Variants in MAP4K5 observed in about 807,000 individuals in gnomAD.
MAP4K5 encodes mitogen-activated protein kinase kinase kinase kinase 5.
MAP4K5 carries 82 observed loss-of-function variants against 135.6 expected under a neutral mutation model. That is an observed-to-expected ratio of 0.60 (90% confidence interval 0.51 to 0.73). MAP4K5 has a LOEUF of 0.73. Ranked by LOEUF, MAP4K5 falls within the 30% of genes least tolerant of loss-of-function variation. MAP4K5 has a pLI of 0.00. For synonymous variants in MAP4K5, 347 were observed against 335.0 expected (o/e 1.04, Z -0.39); for missense variants, 907 against 1,010.9 (o/e 0.90, Z 1.39).
In MAP4K5 at chr14:50,532,016, G is replaced by T; in HGVS notation, c.34C>A (p.Leu12Met). ...TAGTCCTGCTGCGGGTTCCGCCTCA[G>T]GATGTCCGCGGCAGGCCGCAGCGGG... The part of the protein sequence containing the change: ...EAPLRPAADI[L>M]RRNPQQDYEL... Residue 12 changes from leucine (L) to methionine (M), a missense_variant, in exon 2 of 33, where the codon CTG becomes ATG. By Grantham distance (15) the Leu-to-Met change is conservative. Transcript: ENST00000682126. 1 of 1,590,442 alleles carries T rather than the reference G, an allele frequency of 6.3e-7. No homozygotes were observed. Among genetic ancestry groups the T allele is most frequent in the East Asian group, 2.3e-5 (1 of 43,238 alleles).
At chr14:50,492,451 A>G (rs1243400753) in intron 3 of MAP4K5, among the ~76,000 whole-genome samples, 1 of 151,982 alleles carries the variant, frequency 6.6e-6, no homozygotes, top group African/African-American at 2.4e-5. Flanking sequence ...AAAATTAGCC[A>G]GATGTGCTGG....
chr14:50,511,610 C>T (rs904414360), intron 2 of MAP4K5, among the ~76,000 whole-genome samples: 2 of 152,096 alleles, frequency 1.3e-5, no homozygotes, highest in African/African-American at 2.4e-5. Flanking sequence ...TATAGATTTG[C>T]TAATTTTCCT....
intron 3 of MAP4K5, among the ~76,000 whole-genome samples, chr14:50,497,485 T>C (rs1354785379): frequency 6.6e-6 from 1 of 152,202 alleles, no homozygotes; most frequent in Non-Finnish European, 1.5e-5. Flanking sequence ...GAAAAGAACA[T>C]ACCACGTAAC....
intron 2 of MAP4K5, among the ~76,000 whole-genome samples, chr14:50,542,239 C>T (rs1007286202): frequency 2.2e-4 from 26 of 118,186 alleles, no homozygotes; most frequent in Admixed American, 1.6e-3. Context: ...AATGAGAACA[C>T]GTGGACACAG....
At chr14:50,460,312 C>A (rs756892442) in intron 13 of MAP4K5, among the ~76,000 whole-genome samples, 4 of 151,376 alleles carry the variant, frequency 2.6e-5, no homozygotes, top group Non-Finnish European at 5.9e-5. Context: ...GTCTCATATA[C>A]CATTGTGCCC....
intron 9 of MAP4K5, among the ~76,000 whole-genome samples, chr14:50,474,232 T>G (rs1471313911): frequency 6.6e-6 from 1 of 151,782 alleles, no homozygotes; most frequent in Non-Finnish European, 1.5e-5. Context: ...CAAAAAAAAT[T>G]ACAAAAAATT....
chr14:50,537,745 T>A (rs944930441), intron 2 of MAP4K5, among the ~76,000 whole-genome samples: 74 of 152,376 alleles, frequency 4.9e-4, no homozygotes, highest in African/African-American at 1.6e-3. Flanking sequence ...CCACTTGATT[T>A]CAGACTTGCA....
At chr14:50,521,369 T>G (rs906248624) in intron 2 of MAP4K5, among the ~76,000 whole-genome samples, 14 of 152,178 alleles carry the variant, frequency 9.2e-5, no homozygotes, top group African/African-American at 3.1e-4. Flanking sequence ...AAGGACTATG[T>G]GTAGAGTAGT....
At chr14:50,540,021 G>A (rs982639406) in intron 2 of MAP4K5, among the ~76,000 whole-genome samples, 1 of 152,038 alleles carries the variant, frequency 6.6e-6, no homozygotes, top group Non-Finnish European at 1.5e-5. Context: ...ATTGAATGAG[G>A]GAGAACAGAT....
intron 4 of MAP4K5, 145 bp downstream of exon 4, chr14:50,485,959 G>A (rs187945149): frequency 1.8e-4 from 103 of 560,720 alleles, no homozygotes; most frequent in African/African-American, 1.3e-3. Context: ...GGGGAAAACC[G>A]TAGAAATAGG....
chr14:50,490,130 A>AGTGTGTGTGTGTGTGTGT (rs34549753), intron 3 of MAP4K5, among the ~76,000 whole-genome samples: 9 of 121,198 alleles, frequency 7.4e-5, no homozygotes, highest in African/African-American at 2.3e-4. Flanking sequence ...AGCGAGTGAG[A>AGTGTGTGTGTGTGTGTGT]GTGTGTGTGT....
At chr14:50,555,280 T>A (rs1175286228) in intron 1 of MAP4K5, among the ~76,000 whole-genome samples, 1 of 140,822 alleles carries the variant, frequency 7.1e-6, no homozygotes, top group Non-Finnish European at 1.6e-5. Context: ...TTGTTTTGTT[T>A]TGTTTGTTTG....
rs1384466309 is a variant in MAP4K5, at chr14:50,440,017, T to C, written c.1701A>G (p.Leu567=). 1 of 1,548,348 alleles carries C rather than the reference T, an allele frequency of 6.5e-7. No homozygotes were observed. Among genetic ancestry groups the C allele is most frequent in the Non-Finnish European group, 8.8e-7 (1 of 1,136,374 alleles). ...LYVINNTLMS[L]SEGKTFQLYS... The stretch of plus-strand genomic sequence containing the variant: ...TTTTCATCATCACATACATACCTGA[T>C]AATGACATTAAAGTATTATTGATAA... The change falls in exon 23 of 33, where the codon TTA becomes TTG. Residue 567 remains leucine (L), a synonymous_variant. Transcript: ENST00000682126.
intron 6 of MAP4K5, among the ~76,000 whole-genome samples, chr14:50,479,618 A>G (rs1566668515): frequency 1.3e-5 from 2 of 152,182 alleles, no homozygotes; most frequent in South Asian, 4.1e-4. Flanking sequence ...TTAAACAGTT[A>G]TAACTGTTTT....
intron 9 of MAP4K5, among the ~76,000 whole-genome samples, chr14:50,473,716 CTTTTTTTTT>C (rs398077753): frequency 3.7e-4 from 35 of 95,456 alleles, no homozygotes; most frequent in Admixed American, 9.2e-4. Flanking sequence ...TTTGGTTTCA[CTTTTTTTTT>C]TTTTTTTTTT....
intron 6 of MAP4K5, among the ~76,000 whole-genome samples, chr14:50,478,985 G>A (rs1216210747): frequency 7.5e-6 from 1 of 133,432 alleles, no homozygotes; most frequent in Non-Finnish European, 1.6e-5. Context: ...TGATTCATGT[G>A]TCTTAGTGTA....
chr14:50,434,473 G>T lies in MAP4K5; in HGVS notation c.2085C>A (p.Gly695=), dbSNP rs376161128. ...ACTGAACTACCTGATTCGATTCAGT[G>T]CCTTTGCTAATAGCTACACAGACCA... ...YPMVCVAISK[G]TESNQVVQFE... The change falls in exon 28 of 33, where the codon GGC becomes GGA. Residue 695 remains glycine, a synonymous_variant. Transcript: ENST00000682126. 1.2e-5 allele frequency: 20 copies of T among 1,608,814 alleles called. No homozygotes were observed. The African/African-American group carries it at 2.7e-4, about 21-fold the overall frequency.
At position 50,442,172 on chromosome 14, in the gene MAP4K5, GA is replaced by G. The variant is rs572105076; in HGVS notation, c.1564+559del. Among the ~76,000 whole-genome samples the G allele has an allele frequency of 4.3e-3, 649 of 152,114 alleles. 5 individuals are homozygous for G. The highest frequency in any genetic ancestry group is 0.014 in the African/African-American group (562 of 41,502). On this transcript the variant is annotated intron_variant, in intron 21 of 32. Coordinates refer to ENST00000682126, the MANE Select transcript of MAP4K5 (RefSeq NM_006575.6). ...AAAAAGTTATTTTAACATCATTTCA[GA>G]TGTACAGAAAAGTTGTAATAGTACA...
rs1337081795 is a variant in MAP4K5, at chr14:50,478,462, C to T, written c.379-2156G>A. ...CTCTGCTTACTTTGCATTATATTTG[C>T]TCATCTTTTTCTAGCTTCTTAGGTG... On this transcript the variant is annotated intron_variant, in intron 6 of 32. Coordinates refer to ENST00000682126, the MANE Select transcript of MAP4K5 (RefSeq NM_006575.6). Among the ~76,000 whole-genome samples the T allele has an allele frequency of 2.0e-5, 3 of 151,368 alleles. No individual in the cohort carries two copies. In the East Asian group the frequency reaches 5.8e-4, roughly 29 times the overall value.
Sources: allele counts gnomAD v4.1 joint callset (sites outside exome capture counted in the v4.1 genomes callset), GRCh38; gene constraint gnomAD v4.1.1; transcripts MANE v1.5; gene names NCBI Gene and HGNC (gene_info 2026-07-23, HGNC 2026-07-21).